AIG1: variants seen among roughly 807,000 people sequenced by gnomAD.
The protein encoded by AIG1 is androgen-induced gene 1 protein.
A neutral mutation model predicts 31.4 loss-of-function variants in AIG1; 23 were observed. The observed-to-expected ratio is 0.73, with a 90% confidence interval of 0.53 to 1.04. The LOEUF (loss-of-function observed/expected upper bound fraction) is 1.04, where lower values mean the gene tolerates loss of function less well. Ranked by LOEUF, AIG1 falls within the 50% of genes least tolerant of loss-of-function variation. AIG1 has a pLI of 0.00. For synonymous variants in AIG1, 100 were observed against 110.5 expected, an observed-to-expected ratio of 0.90 and a Z score of 0.60; for missense variants, 274 against 295.0, an observed-to-expected ratio of 0.93 and a Z score of 0.52.
chr6:143,114,767 A>C (rs948889683), intron 1 of AIG1, among the ~76,000 whole-genome samples: 2 of 152,186 alleles, frequency 1.3e-5, no homozygotes, highest in African/African-American at 4.8e-5. Context: ...TAAATGCTTT[A>C]TTTCTAAATC....
intron 3 of AIG1, among the ~76,000 whole-genome samples, chr6:143,200,159 A>C (rs973621454): frequency 6.6e-6 from 1 of 152,198 alleles, no homozygotes. Flanking sequence ...TGAGATGTTC[A>C]TCTCAAAATA....
chr6:143,124,387 G>T (rs1407393968), intron 1 of AIG1, among the ~76,000 whole-genome samples: 1 of 152,150 alleles, frequency 6.6e-6, no homozygotes, highest in Admixed American at 6.5e-5. Context: ...CACAGCCCCA[G>T]CCTGTTCCGG....
intron 3 of AIG1, chr6:143,188,794 A>G: frequency 2.0e-6 from 2 of 985,418 alleles, no homozygotes; most frequent in Non-Finnish European, 1.2e-6. Flanking sequence ...CTGTAAGACC[A>G]GGGAAACATA....
chr6:143,202,127 G>A (rs956116675), intron 3 of AIG1, among the ~76,000 whole-genome samples: 3 of 152,084 alleles, frequency 2.0e-5, no homozygotes, highest in African/African-American at 7.2e-5. Context: ...GCCGAGAAAC[G>A]ACTTCTGGAT....
chr6:143,110,404 A>G (rs769081424), intron 1 of AIG1, among the ~76,000 whole-genome samples: 1 of 152,178 alleles, frequency 6.6e-6, no homozygotes, highest in African/African-American at 2.4e-5. Context: ...TTTAAGTAGA[A>G]TTGACATTTT....
intron 3 of AIG1, among the ~76,000 whole-genome samples, chr6:143,183,181 A>G (rs1788891853): frequency 6.6e-6 from 1 of 151,020 alleles, no homozygotes. Context: ...CTCTAAGGAA[A>G]TAATCGGACA....
At chr6:143,128,840 A>G (rs540208079) in intron 1 of AIG1, among the ~76,000 whole-genome samples, 1 of 152,326 alleles carries the variant, frequency 6.6e-6, no homozygotes, top group East Asian at 1.9e-4. Context: ...CTGCTTCTTA[A>G]ATAAGCAAAT....
At chr6:143,342,912 A>G (rs1777884591), downstream of AIG1, 6 of 896,422 alleles carry the variant, frequency 6.7e-6, no homozygotes, top group Admixed American at 1.0e-4. Flanking sequence ...TTCACATGGC[A>G]GCAAATATGT....
chr6:143,302,541 A>G (rs912612489), intron 4 of AIG1, among the ~76,000 whole-genome samples: 17 of 152,296 alleles, frequency 1.1e-4, no homozygotes, highest in African/African-American at 4.1e-4. Context: ...ATGTCCCTAC[A>G]AAGGACATGA....
intron 3 of AIG1, among the ~76,000 whole-genome samples, chr6:143,202,974 T>A (rs1790820817): frequency 6.6e-6 from 1 of 152,164 alleles, no homozygotes; most frequent in Admixed American, 6.5e-5. Flanking sequence ...TGCTGGAGGC[T>A]GTGGAAACAG....
At chr6:143,060,552 C>T (rs1776125880), upstream of AIG1, 2 of 324,316 alleles carry the variant, frequency 6.2e-6, no homozygotes, top group Non-Finnish European at 1.4e-5. Context: ...CTTCCCGAGC[C>T]CTCGTAGCAC....
intron 1 of AIG1, among the ~76,000 whole-genome samples, chr6:143,090,160 C>G (rs1203232347): frequency 6.6e-6 from 1 of 152,104 alleles, no homozygotes; most frequent in African/African-American, 2.4e-5. Flanking sequence ...GGAGAAAAAT[C>G]TTTTGAGTTT....
intron 1 of AIG1, among the ~76,000 whole-genome samples, chr6:143,089,027 A>G (rs1323904090): frequency 6.6e-6 from 1 of 152,066 alleles, no homozygotes; most frequent in African/African-American, 2.4e-5. Flanking sequence ...CCTGGCCAAC[A>G]TGGTGAAACC....
chr6:143,086,345 TTCTA>T (rs746891064), intron 1 of AIG1, among the ~76,000 whole-genome samples: 2 of 152,156 alleles, frequency 1.3e-5, no homozygotes, highest in African/African-American at 4.8e-5. Flanking sequence ...TCTTTACTAC[TTCTA>T]TCTCTCTTTT....
intron 2 of AIG1, among the ~76,000 whole-genome samples, chr6:143,156,296 T>A (rs908021953): frequency 6.6e-6 from 1 of 151,578 alleles, no homozygotes; most frequent in Non-Finnish European, 1.5e-5. Flanking sequence ...TGGTACATAA[T>A]CCTACAATGG....
At chr6:143,175,459 T>C (rs1439677677) in intron 3 of AIG1, among the ~76,000 whole-genome samples, 1 of 152,232 alleles carries the variant, frequency 6.6e-6, no homozygotes, top group Non-Finnish European at 1.5e-5. Flanking sequence ...GGTCTGGTCA[T>C]TTAACACAAT....
intron 1 of AIG1, among the ~76,000 whole-genome samples, chr6:143,113,187 A>G (rs1781436175): frequency 6.6e-6 from 1 of 151,268 alleles, no homozygotes; most frequent in Non-Finnish European, 1.5e-5. Flanking sequence ...CAAGACCCTG[A>G]AAGACCCTGT....
chr6:143,297,460 G>C lies in AIG1; in HGVS notation c.515+13235G>C, dbSNP rs918496345. On this transcript the variant is annotated intron_variant, in intron 4 of 5. Transcript: ENST00000357847. This position sits in a 1 kb window ranked among gnomAD's most constrained non-coding sequence, Gnocchi z 5.1. ...TGGGTGGGTGGTTATTTAGATGATT[G>C]GTTGGTTGGTTGGTTGGTTGGATGG... 3.3e-4 allele frequency among the ~76,000 whole-genome samples: 50 copies of C among 152,190 alleles called. No homozygotes were observed. The highest frequency in any genetic ancestry group is 1.1e-3 in the African/African-American group (46 of 41,512).
chr6:143,294,451 A>G (rs367822093), intron 4 of AIG1, among the ~76,000 whole-genome samples: 4 of 152,208 alleles, frequency 2.6e-5, no homozygotes, highest in Admixed American at 6.5e-5. Context: ...TGCTTCTGCC[A>G]TATGAACTGG....
Sources: gnomAD v4.1 joint callset for allele counts (sites outside exome capture counted in the v4.1 genomes callset) on GRCh38, gnomAD v4.1.1 for gene constraint, Gnocchi (gnomAD v3.1) non-coding constraint, MANE v1.5 for transcripts, NCBI Gene and HGNC (gene_info 2026-07-23, HGNC 2026-07-21) for gene names.